Variants in CNTNAP2 observed in about 807,000 individuals in gnomAD.
The protein encoded by CNTNAP2 is contactin-associated protein-like 2.
A neutral mutation model predicts 155.2 loss-of-function variants in CNTNAP2; 98 were observed. The ratio of observed to expected loss-of-function variants is 0.63; its 90% CI spans 0.54 to 0.75. The LOEUF is 0.75. CNTNAP2 is among the 30% of genes least tolerant of loss of function. The pLI is 0.00. For missense variants in CNTNAP2, 1,727 were observed against 1,688.1 expected, an observed-to-expected ratio of 1.02 and a Z score of -0.40; for synonymous variants, 651 against 631.2, an observed-to-expected ratio of 1.03 and a Z score of -0.47.
intron 1 of CNTNAP2, among the ~76,000 whole-genome samples, chr7:146,601,641 C>CA (rs1331168820): frequency 1.3e-5 from 2 of 151,772 alleles, no homozygotes; most frequent in African/African-American, 4.8e-5. Flanking sequence ...AAGAAGTATG[C>CA]AAAAAAATCT....
intron 15 of CNTNAP2, among the ~76,000 whole-genome samples, chr7:148,105,778 G>T (rs1804201354): frequency 6.6e-6 from 1 of 152,078 alleles, no homozygotes; most frequent in East Asian, 1.9e-4. Flanking sequence ...GTAGAGACAG[G>T]GTTTCACCAT....
chr7:147,026,067 C>T (rs898994375), intron 3 of CNTNAP2, among the ~76,000 whole-genome samples: 1 of 152,018 alleles, frequency 6.6e-6, no homozygotes, highest in Non-Finnish European at 1.5e-5. Flanking sequence ...ACCATGTTGG[C>T]CAGGACGGTC....
At chr7:148,078,707 C>T (rs1803542828) in intron 15 of CNTNAP2, among the ~76,000 whole-genome samples, 1 of 152,152 alleles carries the variant, frequency 6.6e-6, no homozygotes, top group African/African-American at 2.4e-5. Flanking sequence ...TCTCTAACCC[C>T]TGACCTCAGA....
intron 1 of CNTNAP2, among the ~76,000 whole-genome samples, chr7:146,511,163 G>T (rs1173659455): frequency 6.6e-6 from 1 of 152,172 alleles, no homozygotes; most frequent in Non-Finnish European, 1.5e-5. Flanking sequence ...CTCCCAAAGT[G>T]CTGGGATTAC....
chr7:146,591,842 G>A (rs945079746), intron 1 of CNTNAP2, among the ~76,000 whole-genome samples: 3 of 152,026 alleles, frequency 2.0e-5, no homozygotes, highest in African/African-American at 7.2e-5. Context: ...CATTTTCTTT[G>A]CTGATCTTTA....
chr7:148,387,166 C>A (rs1014298636), intron 22 of CNTNAP2, among the ~76,000 whole-genome samples: 1 of 152,194 alleles, frequency 6.6e-6, no homozygotes, highest in African/African-American at 2.4e-5. Context: ...AGGCTTCTTT[C>A]TGCACCTATT....
At chr7:146,155,984 G>A (rs543423677) in intron 1 of CNTNAP2, among the ~76,000 whole-genome samples, 14 of 152,078 alleles carry the variant, frequency 9.2e-5, no homozygotes, top group African/African-American at 2.7e-4. Flanking sequence ...GATTACAGGC[G>A]TGAGCCACTA....
At chr7:147,072,786 T>C (rs1376635382) in intron 4 of CNTNAP2, among the ~76,000 whole-genome samples, 1 of 152,068 alleles carries the variant, frequency 6.6e-6, no homozygotes, top group Non-Finnish European at 1.5e-5. Flanking sequence ...TCTGTTGTTT[T>C]TTTTATTTTT....
At chr7:147,388,133 TTCAAAATCTCTTTTTGATAC>T (rs1730312581) in intron 9 of CNTNAP2, among the ~76,000 whole-genome samples, 1 of 152,228 alleles carries the variant, frequency 6.6e-6, no homozygotes, top group Admixed American at 6.5e-5. Flanking sequence ...TATTTTGATA[TTCAAAATCTCTTTTTGATAC>T]TCAAATTATT....
rs1163559597 is a variant in CNTNAP2 at position 146,404,124 on chromosome 7, C to CAAAAAAA, written c.97+287163_97+287169dup. Among the ~76,000 whole-genome samples the CAAAAAAA allele has an allele frequency of 9.5e-3, 690 of 72,402 alleles. 75 individuals carry two copies. Among genetic ancestry groups the CAAAAAAA allele is most frequent in the African/African-American group, 0.038 (571 of 15,012 alleles). The allele number at this position is 72,402 out of a possible 152,430, so 47.5% of individuals were successfully genotyped here. On this transcript the variant is annotated intron_variant, in intron 1 of 23. Coordinates refer to ENST00000361727, the MANE Select transcript of CNTNAP2 (RefSeq NM_014141.6). Reference sequence around the variant, plus strand: ...TGGGCGACAGAGCGAGACTCCGTCTCAAAAAAAAAAAAAAAAAACAAAGAA... The same window carrying CAAAAAAA: ...TGGGCGACAGAGCGAGACTCCGTCTCAAAAAAAAAAAAAAAAAAAAAAAAACAAAGAA...
Position 147,568,924 on chromosome 7 carries a change from T to C in CNTNAP2, c.1897+6667T>C, listed in dbSNP as rs576879249. On this transcript the variant is annotated intron_variant, in intron 12 of 23. Coordinates refer to ENST00000361727, the MANE Select transcript of CNTNAP2 (RefSeq NM_014141.6). ...AGACAATATTTTTCTTCATCTTCTA[T>C]CCTCTAACTCATTTTCTCCATAACT... Among the ~76,000 whole-genome samples, 3 of 152,300 alleles carry C rather than the reference T, an allele frequency of 2.0e-5. No homozygotes were observed. In the South Asian group the frequency reaches 6.2e-4, roughly 32 times the overall value.
At chr7:147,537,125 G>C (rs752159298) in intron 11 of CNTNAP2, among the ~76,000 whole-genome samples, 1 of 152,172 alleles carries the variant, frequency 6.6e-6, no homozygotes, top group South Asian at 2.1e-4. Flanking sequence ...CCCAAATGTG[G>C]AAAGAACCAT....
At chr7:146,922,033 A>T (rs1796510388) in intron 3 of CNTNAP2, among the ~76,000 whole-genome samples, 1 of 152,144 alleles carries the variant, frequency 6.6e-6, no homozygotes, top group African/African-American at 2.4e-5. Context: ...AGAAAATTTC[A>T]TCTCATTGTA....
At chr7:148,260,064 G>A (rs372488649) in intron 20 of CNTNAP2, among the ~76,000 whole-genome samples, 2 of 152,158 alleles carry the variant, frequency 1.3e-5, no homozygotes, top group African/African-American at 2.4e-5. Flanking sequence ...ACACTTAACC[G>A]TGGCAAATGC....
At chr7:146,301,758 G>T (rs998290259) in intron 1 of CNTNAP2, among the ~76,000 whole-genome samples, 2 of 150,802 alleles carry the variant, frequency 1.3e-5, no homozygotes, top group African/African-American at 5.0e-5. Flanking sequence ...TCACAGTGGT[G>T]CAAGGAATTT....
At chr7:146,450,854 A>G (rs1796468465) in intron 1 of CNTNAP2, among the ~76,000 whole-genome samples, 1 of 152,230 alleles carries the variant, frequency 6.6e-6, no homozygotes, top group African/African-American at 2.4e-5. Flanking sequence ...TCGGTCTTTT[A>G]AAATAACACA....
In CNTNAP2 at chr7:146,211,766, A is replaced by G. The variant is rs555310805; in HGVS notation, c.97+94793A>G. On this transcript the variant is annotated intron_variant, in intron 1 of 23. Transcript: ENST00000361727. ...ACTAGAGACAGCAGACCTAGAATTT[A>G]TATATTATTTATTCAACATTAACAG... Among the ~76,000 whole-genome samples, 11 of 152,270 alleles carry G rather than the reference A, an allele frequency of 7.2e-5. 1 individual carries two copies. In the South Asian group the frequency reaches 8.3e-4, roughly 11 times the overall value.
chr7:146,234,479 T>G (rs1209272018), intron 1 of CNTNAP2, among the ~76,000 whole-genome samples: 17 of 143,036 alleles, frequency 1.2e-4, no homozygotes, highest in African/African-American at 4.0e-4. Context: ...AGATCCCATT[T>G]GTCAATTTTG....
rs1385309724 is a variant in CNTNAP2, at chr7:146,151,679, T to C, written c.97+34706T>C. On this transcript the variant is annotated intron_variant, in intron 1 of 23. Transcript: ENST00000361727. Reference sequence around the variant, plus strand: ...ATATATATATATATATATATATATATATGTATATATATATATATGTATATA... The same window carrying C: ...ATATATATATATATATATATATATACATGTATATATATATATATGTATATA... Among the ~76,000 whole-genome samples the C allele has an allele frequency of 1.2e-4, 4 of 33,170 alleles. 1 individual carries two copies. Among genetic ancestry groups the C allele is most frequent in the East Asian group, 7.4e-4 (1 of 1,358 alleles). 21.8% of individuals were successfully genotyped at this position (33,170 alleles called of 152,430 possible).
Sources: gnomAD v4.1 joint callset for allele counts (sites outside exome capture counted in the v4.1 genomes callset) on GRCh38, gnomAD v4.1.1 for gene constraint, MANE v1.5 for transcripts, NCBI Gene and HGNC (gene_info 2026-07-23, HGNC 2026-07-21) for gene names.